EXOC4: variants seen among roughly 807,000 people sequenced by gnomAD.
EXOC4 encodes the protein SEC8-like 1.
EXOC4 carries 71 observed loss-of-function variants against 107.2 expected under a neutral mutation model. The observed-to-expected ratio is 0.66, with a 90% CI of 0.55 to 0.81. EXOC4 has a LOEUF of 0.81. EXOC4 is among the 30% of genes least tolerant of loss of function. The pLI is 0.00. For synonymous variants in EXOC4, 456 were observed against 441.2 expected (o/e 1.03, Z -0.42); for missense variants, 1,108 against 1,189.6 (o/e 0.93, Z 1.01).
chr7:134,017,656 T>A (rs552300535), intron 17 of EXOC4, among the ~76,000 whole-genome samples: 7 of 152,306 alleles, frequency 4.6e-5, no homozygotes, highest in African/African-American at 1.7e-4. Flanking sequence ...AATTAATCAT[T>A]TAATTAGGAC....
intron 12 of EXOC4, among the ~76,000 whole-genome samples, chr7:133,908,888 G>A (rs1193411915): frequency 6.6e-6 from 1 of 152,106 alleles, no homozygotes; most frequent in Non-Finnish European, 1.5e-5. Context: ...TGCAGAACAT[G>A]CAGGTTTATT....
intron 5 of EXOC4, 38 bp downstream of exon 5, chr7:133,317,428 A>G (rs780355956): frequency 5.0e-6 from 7 of 1,386,552 alleles, no homozygotes; most frequent in Non-Finnish European, 7.2e-6. Context: ...GCTTTTTAGT[A>G]TGTCTTAGTT....
Position 133,282,289 on chromosome 7 carries a change from T to C in EXOC4, c.277-6633T>C, listed in dbSNP as rs545344170. Among the ~76,000 whole-genome samples the C allele has an allele frequency of 3.3e-5, 5 of 152,288 alleles. No individual in the cohort carries two copies. In the East Asian group the frequency reaches 9.7e-4, roughly 29 times the overall value. ...TTTTTCTAATAGCCTCTAGTTAGGG[T>C]GACTTGCAGATTTTGTGAAATTGTA... On this transcript the variant is annotated intron_variant, in intron 2 of 17. Coordinates refer to ENST00000253861, the MANE Select transcript of EXOC4 (RefSeq NM_021807.4).
chr7:133,654,569 A>G (rs936650828), intron 10 of EXOC4, among the ~76,000 whole-genome samples: 1 of 152,144 alleles, frequency 6.6e-6, no homozygotes, highest in Admixed American at 6.6e-5. Flanking sequence ...AGTGTTGGTT[A>G]TGGATAGAGC....
At chr7:134,044,771 A>G (rs1385722036) in intron 17 of EXOC4, among the ~76,000 whole-genome samples, 1 of 152,242 alleles carries the variant, frequency 6.6e-6, no homozygotes, top group Non-Finnish European at 1.5e-5. Context: ...CTTGCCAGAC[A>G]CTTATATTCA....
intron 10 of EXOC4, among the ~76,000 whole-genome samples, chr7:133,809,504 C>T (rs10488175): frequency 0.12 from 17,897 of 152,122 alleles, 1,145 homozygotes; most frequent in Middle Eastern, 0.15. Context: ...CAGAGCTTCT[C>T]AGTAAGGATG....
intron 9 of EXOC4, among the ~76,000 whole-genome samples, chr7:133,625,775 C>T (rs1489375051): frequency 6.6e-6 from 1 of 152,132 alleles, no homozygotes; most frequent in Non-Finnish European, 1.5e-5. Flanking sequence ...GCATTCCAGC[C>T]ATCCATCATC....
chr7:133,317,504 G>C (rs1795017832), intron 5 of EXOC4, 114 bp downstream of exon 5: 1 of 682,604 alleles, frequency 1.5e-6, no homozygotes, highest in Non-Finnish European at 2.6e-6. Context: ...AGGTGGGCCT[G>C]AGCTAGGTGT....
At position 133,937,995 on chromosome 7, in the gene EXOC4, C is replaced by G; in HGVS notation, c.2132C>G (p.Ala711Gly). 1 of 1,614,106 alleles carries G rather than the reference C, an allele frequency of 6.2e-7. No individual in the cohort carries two copies. Among genetic ancestry groups the G allele is most frequent in the Non-Finnish European group, 8.5e-7 (1 of 1,180,020 alleles). ...GACGTCAGTGACCTCAAAGCCTTGG[C>G]CAACATGCATGAAAGCCTGGAATGG... ...LRDVSDLKALANMHESLEWLA... is the reference protein window; with the variant it reads ...LRDVSDLKALGNMHESLEWLA... Residue 711 changes from alanine to glycine, a missense_variant, in exon 14 of 18, where the codon GCC becomes GGC. Transcript: ENST00000253861.
Position 133,647,605 on chromosome 7 carries a change from T to C in EXOC4, c.1514+17464T>C, listed in dbSNP as rs1803025619. 2.0e-5 allele frequency among the ~76,000 whole-genome samples: 3 copies of C among 152,060 alleles called. No homozygotes were observed. The South Asian group carries it at 6.2e-4, about 32-fold the overall frequency. ...CAACTCTTACCTCCAACTCTATGCC[T>C]CAGGTGTGTGCCTCCATTTAAAACC... On this transcript the variant is annotated intron_variant, in intron 10 of 17. Transcript: ENST00000253861.
intron 5 of EXOC4, among the ~76,000 whole-genome samples, chr7:133,318,880 A>G (rs530640118): frequency 9.2e-5 from 14 of 152,214 alleles, no homozygotes; most frequent in Non-Finnish European, 2.1e-4. Flanking sequence ...ATACTTTACA[A>G]TAGTTTGTAC....
At position 133,577,438 on chromosome 7, in the gene EXOC4, C is replaced by G. The variant is rs1801156987; in HGVS notation, c.1418-52607C>G. On this transcript the variant is annotated intron_variant, in intron 9 of 17. Coordinates refer to ENST00000253861, the MANE Select transcript of EXOC4 (RefSeq NM_021807.4). ...AGGAAACTATTTTTACAAATTATTC[C>G]AATGATTACTATCAAATTAGAAGAT... Among the ~76,000 whole-genome samples, 3 of 152,034 alleles carry G rather than the reference C, an allele frequency of 2.0e-5. No homozygotes were observed. The South Asian group carries it at 6.2e-4, about 32-fold the overall frequency.
intron 10 of EXOC4, among the ~76,000 whole-genome samples, chr7:133,807,504 C>G (rs964451931): frequency 6.6e-6 from 1 of 151,768 alleles, no homozygotes; most frequent in Admixed American, 6.6e-5. Flanking sequence ...ATATTTAATA[C>G]GTGACACATA....
chr7:133,425,240 T>G (rs1177918882), intron 7 of EXOC4, among the ~76,000 whole-genome samples: 1 of 152,156 alleles, frequency 6.6e-6, no homozygotes, highest in African/African-American at 2.4e-5. Context: ...AATAAAATTC[T>G]AAGGCCCCCA....
At chr7:133,897,800 A>G (rs960936606) in intron 12 of EXOC4, among the ~76,000 whole-genome samples, 2 of 152,166 alleles carry the variant, frequency 1.3e-5, no homozygotes, top group African/African-American at 4.8e-5. Context: ...ATTACATTCA[A>G]TCTGATTCAC....
chr7:133,798,381 A>G (rs1230000780), intron 10 of EXOC4, among the ~76,000 whole-genome samples: 2 of 146,888 alleles, frequency 1.4e-5, no homozygotes, highest in African/African-American at 5.0e-5. Flanking sequence ...GTCTGTGGTG[A>G]TATCACTTTT....
chr7:133,298,035 A>T lies in EXOC4; in HGVS notation c.472-7842A>T, dbSNP rs570775821. Among the ~76,000 whole-genome samples the T allele has an allele frequency of 2.0e-5, 3 of 152,234 alleles. No individual in the cohort carries two copies. In the South Asian group the frequency reaches 6.2e-4, roughly 32 times the overall value. ...TGTAAATTGCAGCTGATGACAACCC[A>T]TGTTGTTGATAGGGGACTTCAGTCT... On this transcript the variant is annotated intron_variant, in intron 3 of 17. Transcript: ENST00000253861.
chr7:133,742,691 T>C (rs963867895), intron 10 of EXOC4, among the ~76,000 whole-genome samples: 2 of 152,184 alleles, frequency 1.3e-5, no homozygotes, highest in Admixed American at 6.6e-5. Context: ...GCTCATGCAA[T>C]ATTGCTTAGT....
intron 7 of EXOC4, among the ~76,000 whole-genome samples, chr7:133,427,984 C>T (rs1005113176): frequency 1.3e-5 from 2 of 152,132 alleles, no homozygotes; most frequent in Non-Finnish European, 2.9e-5. Flanking sequence ...AAATTATTTG[C>T]TTCAGTCTGT....
Sources: gnomAD v4.1 joint callset for allele counts (sites outside exome capture counted in the v4.1 genomes callset) on GRCh38, gnomAD v4.1.1 for gene constraint, MANE v1.5 for transcripts, NCBI Gene and HGNC (gene_info 2026-07-23, HGNC 2026-07-21) for gene names.